Variants in WWOX observed in about 807,000 individuals in gnomAD.
WWOX encodes WW domain containing oxidoreductase, also known as WW domain-containing oxidoreductase.
In WWOX, 69 loss-of-function variants were observed where a neutral mutation model predicts 46.2. That is an observed-to-expected ratio of 1.49 (90% CI 1.23 to 1.82). The LOEUF (loss-of-function observed/expected upper bound fraction) is 1.82, where lower values mean the gene tolerates loss of function less well. WWOX is among the 40% of genes most tolerant of loss of function. The pLI is 0.00. For synonymous variants in WWOX, 359 were observed against 202.6 expected (o/e 1.77, Z -6.56); for missense variants, 919 against 542.6 (o/e 1.69, Z -6.89).
At chr16:78,264,439 A>G (rs1249644294) in intron 5 of WWOX, 1 of 152,114 alleles carries the variant, frequency 6.6e-6, no homozygotes, top group Non-Finnish European at 1.5e-5. Context: ...TAATCTTGGA[A>G]GTGGCATATC....
In WWOX at chr16:78,313,315, G is replaced by A. The variant is rs548453868; in HGVS notation, c.517-73545G>A. 8.5e-5 allele frequency among the ~76,000 whole-genome samples: 13 copies of A among 152,268 alleles called. No individual in the cohort carries two copies. In the South Asian group the frequency reaches 1.7e-3, roughly 19 times the overall value. On this transcript the variant is annotated intron_variant, in intron 5 of 8. Transcript: ENST00000566780. ...AGATCTGCTGGGAACATGATAGAAC[G>A]TCTGAACAGTGCTGGCTTATAGCAA...
chr16:78,778,005 A>G (rs1005807101), intron 8 of WWOX, among the ~76,000 whole-genome samples: 1 of 146,636 alleles, frequency 6.8e-6, no homozygotes, highest in Non-Finnish European at 1.5e-5. Context: ...AGATCGCATC[A>G]CTGCACTCCA....
intron 5 of WWOX, among the ~76,000 whole-genome samples, chr16:78,367,094 C>G (rs969440144): frequency 1.3e-5 from 2 of 151,360 alleles, no homozygotes; most frequent in Non-Finnish European, 2.9e-5. Flanking sequence ...ATTCTCCTGC[C>G]TCAGCCTCCT....
At position 78,203,186 on chromosome 16, in the gene WWOX, G is replaced by A. The variant is rs540523144; in HGVS notation, c.516+38897G>A. 6.6e-4 allele frequency among the ~76,000 whole-genome samples: 100 copies of A among 152,220 alleles called. 1 individual carries two copies. Among genetic ancestry groups the A allele is most frequent in the African/African-American group, 2.2e-3 (91 of 41,560 alleles). On this transcript the variant is annotated intron_variant, in intron 5 of 8. Coordinates refer to ENST00000566780, the MANE Select transcript of WWOX (RefSeq NM_016373.4). The stretch of plus-strand genomic sequence containing the variant: ...CAGGTGAGAAACTGCAGAGCCTGGC[G>A]GAGTTCATTTAACCTCACTGTGGTT...
rs78340781 is a variant in WWOX, at chr16:79,100,126, A to G, written c.1057-111482A>G. 6.8e-4 allele frequency among the ~76,000 whole-genome samples: 103 copies of G among 152,316 alleles called. 3 individuals are homozygous for G. In the East Asian group the frequency reaches 0.014, roughly 21 times the overall value. On this transcript the variant is annotated intron_variant, in intron 8 of 8. Transcript: ENST00000566780. ...CTGAATAAGGGCTTCAATCACATCT[A>G]CAAAATACTGTCCCAGCAACACCTT...
At chr16:78,909,941 C>T (rs756472146) in intron 8 of WWOX, among the ~76,000 whole-genome samples, 4 of 152,290 alleles carry the variant, frequency 2.6e-5, no homozygotes, top group Non-Finnish European at 4.4e-5. Flanking sequence ...TCTGGGGTTT[C>T]ATCTTCTCTC....
At position 78,164,222 on chromosome 16, in the gene WWOX, A is replaced by T. The variant is rs745453076; in HGVS notation, c.449A>T (p.His150Leu). The change falls in exon 5 of 9, where the codon CAT becomes CTT. Residue 150 changes from histidine (H) to leucine (L), a missense_variant. By Grantham distance (99) the His-to-Leu change is moderately conservative (BLOSUM62 -3). Transcript: ENST00000566780. ...AAGTCTTTTGCCCTCCATGGTGCACATGTGATCTTGGCCTGCAGGAACATG... is the reference window on the plus strand; with the variant it reads ...AAGTCTTTTGCCCTCCATGGTGCACTTGTGATCTTGGCCTGCAGGAACATG... ...TAKSFALHGA[H>L]VILACRNMAR... is the part of the protein sequence containing the mutation. The T allele has an allele frequency of 6.2e-7, 1 of 1,614,002 alleles. No individual in the cohort carries two copies. The highest frequency in any genetic ancestry group is 1.7e-5 in the Admixed American group (1 of 59,992).
intron 8 of WWOX, among the ~76,000 whole-genome samples, chr16:78,817,204 C>G (rs1372873157): frequency 1.0e-4 from 5 of 50,108 alleles, no homozygotes; most frequent in South Asian, 6.7e-4. Context: ...TTTTTTCCTT[C>G]TTCAACCCTG....
At chr16:78,609,084 T>C (rs755939926) in intron 8 of WWOX, among the ~76,000 whole-genome samples, 5 of 152,156 alleles carry the variant, frequency 3.3e-5, no homozygotes, top group Non-Finnish European at 5.9e-5. Context: ...GTCAAATACC[T>C]TTCTGTCCCA....
chr16:78,897,069 A>C (rs2044717025), intron 8 of WWOX: 1 of 140,526 alleles, frequency 7.1e-6, no homozygotes, highest in African/African-American at 2.7e-5. Flanking sequence ...CTCCACTAAA[A>C]ATACAAAAAA....
intron 8 of WWOX, among the ~76,000 whole-genome samples, chr16:78,471,632 A>T (rs772312161): frequency 6.6e-6 from 1 of 152,116 alleles, no homozygotes; most frequent in Non-Finnish European, 1.5e-5. Context: ...CTTTGTACTG[A>T]GACACATTTA....
intron 8 of WWOX, among the ~76,000 whole-genome samples, chr16:78,625,695 G>A (rs2046295829): frequency 6.6e-6 from 1 of 150,874 alleles, no homozygotes; most frequent in Non-Finnish European, 1.5e-5. Flanking sequence ...TGGTGCAAAA[G>A]TAAATGTGTT....
intron 7 of WWOX, among the ~76,000 whole-genome samples, chr16:78,428,627 T>G (rs1362285949): frequency 6.6e-6 from 1 of 152,228 alleles, no homozygotes; most frequent in Non-Finnish European, 1.5e-5. Flanking sequence ...TTTCTCCTCT[T>G]AGACATTTAA....
intron 8 of WWOX, among the ~76,000 whole-genome samples, chr16:78,606,792 C>T (rs529156385): frequency 7.4e-6 from 1 of 134,484 alleles, no homozygotes; most frequent in South Asian, 2.5e-4. Flanking sequence ...GTTCTGAAAA[C>T]AGGCAAAAAT....
intron 8 of WWOX, among the ~76,000 whole-genome samples, chr16:78,680,548 C>T (rs920891623): frequency 2.6e-5 from 4 of 152,070 alleles, no homozygotes; most frequent in African/African-American, 7.2e-5. Context: ...AAACAAAAAG[C>T]CATGTAGAGC....
intron 8 of WWOX, among the ~76,000 whole-genome samples, chr16:78,596,881 C>A (rs181007154): frequency 6.6e-6 from 1 of 152,168 alleles, no homozygotes; most frequent in Non-Finnish European, 1.5e-5. Context: ...CACACACACA[C>A]AATCAGCCAG....
chr16:78,423,466 G>T (rs1201483105), intron 6 of WWOX, among the ~76,000 whole-genome samples: 1 of 152,022 alleles, frequency 6.6e-6, no homozygotes, highest in Admixed American at 6.6e-5. Flanking sequence ...TATTTATTTT[G>T]TTGTATAGTT....
intron 8 of WWOX, among the ~76,000 whole-genome samples, chr16:78,858,384 G>A (rs1159207898): frequency 1.3e-5 from 2 of 151,802 alleles, no homozygotes; most frequent in Admixed American, 6.6e-5. Flanking sequence ...ATATATGTAT[G>A]TATCTGTATA....
intron 1 of WWOX, among the ~76,000 whole-genome samples, chr16:78,105,409 A>C (rs1408748737): frequency 6.6e-6 from 1 of 151,336 alleles, no homozygotes; most frequent in East Asian, 1.9e-4. Context: ...CAGTGAGCTG[A>C]GATTGCACCA....
Sources: gnomAD v4.1 joint callset for allele counts (sites outside exome capture counted in the v4.1 genomes callset) on GRCh38, gnomAD v4.1.1 for gene constraint, MANE v1.5 for transcripts, NCBI Gene and HGNC (gene_info 2026-07-23, HGNC 2026-07-21) for gene names.